CDH12: variants seen among roughly 807,000 people sequenced by gnomAD.
CDH12 encodes cadherin 12.
A neutral mutation model predicts 74.1 loss-of-function variants in CDH12; 41 were observed. That is an observed-to-expected ratio of 0.55 (90% CI 0.43 to 0.72). The LOEUF (loss-of-function observed/expected upper bound fraction) is 0.72. CDH12 is among the 30% of genes least tolerant of loss of function. The probability of loss-of-function intolerance (pLI) is 0.00; values close to 1 mark genes in which losing one functional copy is unlikely to be tolerated. For missense variants in CDH12, 945 were observed against 977.2 expected (o/e 0.97, Z 0.44); for synonymous variants, 399 against 355.0 (o/e 1.12, Z -1.39).
At chr5:21,902,796 G>A (rs748008042) in intron 6 of CDH12, among the ~76,000 whole-genome samples, 1 of 151,946 alleles carries the variant, frequency 6.6e-6, no homozygotes, top group Non-Finnish European at 1.5e-5. Context: ...GTAGCCAATG[G>A]CTATTATGTT....
At chr5:22,272,312 C>A (rs575406422) in intron 3 of CDH12, among the ~76,000 whole-genome samples, 2 of 152,268 alleles carry the variant, frequency 1.3e-5, no homozygotes, top group South Asian at 4.1e-4. Flanking sequence ...AACTGAAGAG[C>A]ATTAGGGTCT....
At chr5:22,077,496 T>C (rs1169002561) in intron 5 of CDH12, among the ~76,000 whole-genome samples, 2 of 152,168 alleles carry the variant, frequency 1.3e-5, no homozygotes, top group African/African-American at 4.8e-5. Context: ...CTTCCTATGA[T>C]GGTTTTCCAA....
chr5:22,276,864 T>C (rs955119682), intron 3 of CDH12, among the ~76,000 whole-genome samples: 2 of 152,210 alleles, frequency 1.3e-5, no homozygotes, highest in Admixed American at 6.5e-5. Context: ...TTAAGCACTT[T>C]ATTTCAATAA....
intron 4 of CDH12, among the ~76,000 whole-genome samples, chr5:22,124,762 T>C (rs1261821580): frequency 2.0e-5 from 3 of 152,236 alleles, no homozygotes; most frequent in Non-Finnish European, 4.4e-5. Context: ...TTTGAATGTA[T>C]GGAGGCATTT....
Position 21,826,236 on chromosome 5 carries a change from A to G in CDH12, c.815-9104T>C, listed in dbSNP as rs1748662565. On this transcript the variant is annotated intron_variant, in intron 8 of 14. Transcript: ENST00000382254. ...AAATATCATCTTATTCCAAAACATT[A>G]CTTGGATATCTCCAAGGTGTCTCAG... 1.3e-5 allele frequency among the ~76,000 whole-genome samples: 2 copies of G among 152,222 alleles called. 1 individual carries two copies. Among genetic ancestry groups the G allele is most frequent in the East Asian group, 3.9e-4 (2 of 5,174 alleles).
intron 2 of CDH12, among the ~76,000 whole-genome samples, chr5:22,437,492 T>TTAAAATA (rs1271103903): frequency 6.6e-6 from 1 of 151,394 alleles, no homozygotes; most frequent in East Asian, 1.9e-4. Context: ...TGAGAATACA[T>TTAAAATA]TAAAATATAA....
rs1433271736 is a variant in CDH12, at chr5:21,853,570, T to A, written c.646+1101A>T. Among the ~76,000 whole-genome samples, 10 of 151,676 alleles carry A rather than the reference T, an allele frequency of 6.6e-5. No individual in the cohort carries two copies. The Admixed American group carries it at 6.6e-4, about 10-fold the overall frequency. ...TTTTGCAGATTTTGCACCTCAACTT[T>A]TGTTAAGAAACATCAGTAGACCTTA... On this transcript the variant is annotated intron_variant, in intron 7 of 14. Coordinates refer to ENST00000382254, the MANE Select transcript of CDH12 (RefSeq NM_004061.5).
intron 4 of CDH12, among the ~76,000 whole-genome samples, chr5:22,136,367 A>T (rs1042425950): frequency 1.3e-5 from 2 of 151,998 alleles, no homozygotes; most frequent in Admixed American, 6.6e-5. Flanking sequence ...ATTTTACTTC[A>T]TAGAAGCTCT....
chr5:22,833,456 A>T (rs115145951), intron 1 of CDH12, among the ~76,000 whole-genome samples: 18 of 152,336 alleles, frequency 1.2e-4, no homozygotes, highest in African/African-American at 3.8e-4. Context: ...TATTACAATT[A>T]AAAAAGACAC....
At chr5:22,594,372 G>T (rs1736492411) in intron 1 of CDH12, among the ~76,000 whole-genome samples, 1 of 152,122 alleles carries the variant, frequency 6.6e-6, no homozygotes, top group African/African-American at 2.4e-5. Context: ...ATCCTACAAA[G>T]TGGAGCCCAT....
chr5:22,218,862 T>C (rs1751913823), intron 3 of CDH12, among the ~76,000 whole-genome samples: 1 of 151,766 alleles, frequency 6.6e-6, no homozygotes, highest in Non-Finnish European at 1.5e-5. Context: ...TTCTGATTTC[T>C]ATTTTCTAAA....
At chr5:22,458,197 T>C (rs1253873784) in intron 2 of CDH12, among the ~76,000 whole-genome samples, 2 of 152,170 alleles carry the variant, frequency 1.3e-5, no homozygotes, top group Admixed American at 1.3e-4. Flanking sequence ...CTCTTCTTAG[T>C]GTCTGGTGGT....
At chr5:22,190,383 T>A (rs1424296850) in intron 4 of CDH12, among the ~76,000 whole-genome samples, 1 of 152,098 alleles carries the variant, frequency 6.6e-6, no homozygotes, top group Non-Finnish European at 1.5e-5. Context: ...TATCTATCTA[T>A]CTATCTATCT....
intron 4 of CDH12, among the ~76,000 whole-genome samples, chr5:22,156,153 G>C (rs1288449361): frequency 2.0e-5 from 3 of 152,060 alleles, no homozygotes; most frequent in African/African-American, 7.2e-5. Flanking sequence ...GTGTGGCATG[G>C]CCTAGGAATT....
chr5:22,138,869 T>C lies in CDH12; in HGVS notation c.-186-60007A>G, dbSNP rs1746621717. 1.5e-5 allele frequency among the ~76,000 whole-genome samples: 2 copies of C among 136,766 alleles called. 1 individual carries two copies. The highest frequency in any genetic ancestry group is 4.5e-4 in the South Asian group (2 of 4,406). The allele number at this position is 136,766 out of a possible 152,430, so 89.7% of individuals were successfully genotyped here. ...TAATATATATATATATATATATATA[T>C]ATATATACATGTTGGACTCATCGAT... On this transcript the variant is annotated intron_variant, in intron 4 of 14. Transcript: ENST00000382254.
intron 3 of CDH12, among the ~76,000 whole-genome samples, chr5:22,310,858 A>G (rs1342454241): frequency 6.6e-6 from 1 of 152,194 alleles, no homozygotes; most frequent in Non-Finnish European, 1.5e-5. Flanking sequence ...ACTAGGGCAA[A>G]GTCACCCTTA....
chr5:22,797,398 G>T (rs896984644), intron 1 of CDH12, among the ~76,000 whole-genome samples: 19 of 152,228 alleles, frequency 1.2e-4, no homozygotes, highest in African/African-American at 4.3e-4. Flanking sequence ...TGTTATAGCT[G>T]CCTGAACAGA....
chr5:22,560,077 T>G lies in CDH12; in HGVS notation c.-522-54713A>C, dbSNP rs576154761. Among the ~76,000 whole-genome samples the G allele has an allele frequency of 7.2e-5, 11 of 152,304 alleles. No individual in the cohort carries two copies. In the South Asian group the frequency reaches 2.3e-3, roughly 32 times the overall value. ...CATGGTCATTGCCAATAAAAAGCTCTATTTATTGAGATTATATCTGTGTAT... is the reference window on the plus strand; with the variant it reads ...CATGGTCATTGCCAATAAAAAGCTCGATTTATTGAGATTATATCTGTGTAT... On this transcript the variant is annotated intron_variant, in intron 1 of 14. Coordinates refer to ENST00000382254, the MANE Select transcript of CDH12 (RefSeq NM_004061.5).
At chr5:22,259,635 T>C (rs1432343683) in intron 3 of CDH12, among the ~76,000 whole-genome samples, 1 of 152,082 alleles carries the variant, frequency 6.6e-6, no homozygotes, top group Admixed American at 6.6e-5. Flanking sequence ...AAACTACCAG[T>C]GCTTTGCATA....
Sources: allele counts gnomAD v4.1 joint callset (sites outside exome capture counted in the v4.1 genomes callset), GRCh38; gene constraint gnomAD v4.1.1; transcripts MANE v1.5; gene names NCBI Gene and HGNC (gene_info 2026-07-23, HGNC 2026-07-21).